The following CSMD2 variants were observed in gnomAD, a reference collection of about 807,000 sequenced individuals.
The protein encoded by CSMD2 is CUB and Sushi multiple domains 2.
Under a neutral mutation model 398.5 loss-of-function variants are expected in CSMD2, and 130 were observed. The ratio of observed to expected loss-of-function variants is 0.33; its 90% CI spans 0.28 to 0.38. The LOEUF (loss-of-function observed/expected upper bound fraction) is 0.38. Among genes scored for constraint, CSMD2 ranks in the 10% least tolerant of loss-of-function variants. The probability of loss-of-function intolerance (pLI) is 1.00; values close to 1 mark genes in which losing one functional copy is unlikely to be tolerated. For missense variants in CSMD2, 3,829 were observed against 4,764.9 expected (o/e 0.80, Z 5.78); for synonymous variants, 1,828 against 1,908.5 (o/e 0.96, Z 1.10).
At chr1:33,694,100 G>A (rs989802897) in intron 24 of CSMD2, among the ~76,000 whole-genome samples, 3 of 152,012 alleles carry the variant, frequency 2.0e-5, no homozygotes, top group Non-Finnish European at 4.4e-5. Context: ...AGGAATCAAG[G>A]CTTGCTACAT....
chr1:33,998,931 G>T (rs1310503724), intron 3 of CSMD2, among the ~76,000 whole-genome samples: 1 of 152,168 alleles, frequency 6.6e-6, no homozygotes, highest in Non-Finnish European at 1.5e-5. Context: ...CTCAACTTAG[G>T]AAGTCTAAAT....
intron 64 of CSMD2, among the ~76,000 whole-genome samples, chr1:33,532,637 G>T (rs1381468566): frequency 6.6e-6 from 1 of 152,206 alleles, no homozygotes; most frequent in Non-Finnish European, 1.5e-5. Flanking sequence ...GGGGCCACAT[G>T]AACTCTCAAT....
At chr1:34,068,403 T>C (rs1655352651) in intron 2 of CSMD2, among the ~76,000 whole-genome samples, 1 of 152,214 alleles carries the variant, frequency 6.6e-6, no homozygotes, top group South Asian at 2.1e-4. Flanking sequence ...TGTAACTATG[T>C]TGCAAAAAAC....
chr1:34,118,632 T>A (rs1661848472), intron 1 of CSMD2, among the ~76,000 whole-genome samples: 1 of 152,200 alleles, frequency 6.6e-6, no homozygotes, highest in South Asian at 2.1e-4. Flanking sequence ...AAAAGGAGAT[T>A]TGTTTTGTTT....
At chr1:33,810,929 C>T (rs1279230347) in intron 9 of CSMD2, 65 bp from the exon 10 acceptor site, 1 of 1,568,200 alleles carries the variant, frequency 6.4e-7, no homozygotes, top group Non-Finnish European at 8.7e-7. Context: ...TCTTGCCTCC[C>T]ACTCCCCACC....
intron 7 of CSMD2, among the ~76,000 whole-genome samples, chr1:33,823,370 G>GGC (rs1428347682): frequency 1.4e-5 from 2 of 146,000 alleles, no homozygotes; most frequent in African/African-American, 5.2e-5. Context: ...GAATTATGGA[G>GGC]GCAAGAAGTG....
chr1:34,116,533 T>C (rs1661616897), intron 1 of CSMD2, among the ~76,000 whole-genome samples: 1 of 151,882 alleles, frequency 6.6e-6, no homozygotes, highest in Non-Finnish European at 1.5e-5. Context: ...AAATAGACAG[T>C]AACATGATAA....
chr1:33,740,835 G>T (rs575167919), intron 14 of CSMD2, among the ~76,000 whole-genome samples: 1 of 152,128 alleles, frequency 6.6e-6, no homozygotes, highest in African/African-American at 2.4e-5. Flanking sequence ...ACGCGCGCGC[G>T]TGCATGCGCA....
chr1:33,570,326 C>T (rs1344684791), intron 51 of CSMD2, among the ~76,000 whole-genome samples: 1 of 133,050 alleles, frequency 7.5e-6, no homozygotes, highest in Admixed American at 8.7e-5. Context: ...CACCACCATG[C>T]TGGCTAATTT....
intron 60 of CSMD2, among the ~76,000 whole-genome samples, chr1:33,538,475 C>T (rs890324918): frequency 6.6e-5 from 10 of 151,274 alleles, no homozygotes; most frequent in Non-Finnish European, 1.5e-4. Flanking sequence ...TGTGCGTGTG[C>T]GTGTGTGTGT....
At chr1:33,748,166 A>G (rs1569693982) in intron 13 of CSMD2, among the ~76,000 whole-genome samples, 1 of 152,378 alleles carries the variant, frequency 6.6e-6, no homozygotes, top group East Asian at 1.9e-4. Flanking sequence ...AAGGGCAGGA[A>G]GAGGAAGTGT....
intron 55 of CSMD2, among the ~76,000 whole-genome samples, chr1:33,551,012 A>G (rs964835853): frequency 1.3e-5 from 2 of 152,160 alleles, no homozygotes; most frequent in African/African-American, 4.8e-5. Context: ...CTCAACACAC[A>G]TTTATTGAGT....
intron 12 of CSMD2, among the ~76,000 whole-genome samples, chr1:33,786,363 C>A (rs10914779): frequency 0.06 from 9,190 of 152,164 alleles, 906 homozygotes; most frequent in African/African-American, 0.21. Context: ...GAAAACTTAG[C>A]AACTTTGCAT....
At chr1:33,833,442 A>T (rs1659847826) in intron 6 of CSMD2, among the ~76,000 whole-genome samples, 1 of 151,148 alleles carries the variant, frequency 6.6e-6, no homozygotes, top group South Asian at 2.1e-4. Context: ...CCTTTGACAA[A>T]ATTCAACAAC....
At chr1:33,553,171 T>C (rs952779761) in intron 55 of CSMD2, among the ~76,000 whole-genome samples, 2 of 152,136 alleles carry the variant, frequency 1.3e-5, no homozygotes, top group African/African-American at 4.8e-5. Context: ...GTTGTTTTTT[T>C]TACAAATGAA....
chr1:34,006,338 C>T (rs1185899327), intron 3 of CSMD2, among the ~76,000 whole-genome samples: 1 of 152,142 alleles, frequency 6.6e-6, no homozygotes, highest in Non-Finnish European at 1.5e-5. Flanking sequence ...AAGACCCCAC[C>T]TACACCTGCT....
chr1:33,695,933 C>T (rs974911682), intron 24 of CSMD2, among the ~76,000 whole-genome samples: 1 of 152,186 alleles, frequency 6.6e-6, no homozygotes, highest in Admixed American at 6.5e-5. Flanking sequence ...GTCTGCATTA[C>T]AATGTGAATA....
intron 1 of CSMD2, among the ~76,000 whole-genome samples, chr1:34,126,978 C>T (rs189829543): frequency 2.2e-4 from 34 of 151,926 alleles, no homozygotes; most frequent in South Asian, 4.2e-4. Flanking sequence ...AGAGACACAA[C>T]GGCAGATAGA....
At chr1:33,924,916 GTTGT>G (rs774593447) in intron 4 of CSMD2, among the ~76,000 whole-genome samples, 7 of 152,094 alleles carry the variant, frequency 4.6e-5, no homozygotes, top group South Asian at 2.1e-4. Context: ...TTGCTGTTGA[GTTGT>G]TTGAGTTACT....
Sources: gnomAD v4.1 joint callset for allele counts (sites outside exome capture counted in the v4.1 genomes callset) on GRCh38, gnomAD v4.1.1 for gene constraint, MANE v1.5 for transcripts, NCBI Gene and HGNC (gene_info 2026-07-23, HGNC 2026-07-21) for gene names.